PARD6G: variants seen among roughly 807,000 people sequenced by gnomAD.
The protein encoded by PARD6G is par-6 family cell polarity regulator gamma.
A neutral mutation model predicts 10.7 loss-of-function variants in PARD6G; 7 were observed. The ratio of observed to expected loss-of-function variants is 0.66; its 90% CI spans 0.37 to 1.23. The LOEUF is 1.23. PARD6G is among the 50% of genes most tolerant of loss of function. The pLI is 0.02. For missense variants in PARD6G, 548 were observed against 571.8 expected (o/e 0.96, Z 0.42); for synonymous variants, 287 against 269.4 (o/e 1.07, Z -0.64).
chr18:80,217,727 AG>A (rs1216677174), intron 1 of PARD6G, among the ~76,000 whole-genome samples: 1 of 152,230 alleles, frequency 6.6e-6, no homozygotes, highest in Admixed American at 6.5e-5. Context: ...CACAGCTAAA[AG>A]GAGCCTAAGG....
chr18:80,160,097 G>A lies in PARD6G; in HGVS notation c.805C>T (p.Pro269Ser). Residue 269 changes from proline (P) to serine (S), a missense_variant, in exon 3 of 3, where the codon CCC becomes TCC. Around this residue, in one of 2 missense-constraint regions of PARD6G, gnomAD observed 313 missense variants for 279.9 expected, o/e 1.12. Coordinates refer to ENST00000353265, the MANE Select transcript of PARD6G (RefSeq NM_032510.4). ...ACGAAGCCCGCGGTGCCGTCCGAGGGCGGTCCCGAGCTGCCCAACGCGCGG... is the reference window on the plus strand; with the variant it reads ...ACGAAGCCCGCGGTGCCGTCCGAGGACGGTCCCGAGCTGCCCAACGCGCGG... ...GGRALGSSGP[P>S]SDGTAGFVGP... The A allele has an allele frequency of 6.2e-7, 1 of 1,604,010 alleles. No homozygotes were observed. The highest frequency in any genetic ancestry group is 8.5e-7 in the Non-Finnish European group (1 of 1,175,676).
chr18:80,179,117 C>T (rs371300799), intron 2 of PARD6G, among the ~76,000 whole-genome samples: 228 of 152,264 alleles, frequency 1.5e-3, no homozygotes, highest in African/African-American at 5.2e-3. Context: ...CACCTCCCGA[C>T]GCATCAGCTG....
chr18:80,179,223 A>ATT (rs34650022), intron 2 of PARD6G, among the ~76,000 whole-genome samples: 32 of 139,268 alleles, frequency 2.3e-4, no homozygotes, highest in Non-Finnish European at 3.4e-4. Flanking sequence ...GGCTGCAGTC[A>ATT]TTTTTTTTTT....
At chr18:80,203,387 G>A (rs1967026976) in intron 1 of PARD6G, among the ~76,000 whole-genome samples, 1 of 152,102 alleles carries the variant, frequency 6.6e-6, no homozygotes, top group South Asian at 2.1e-4. Context: ...CAGGAAGAGG[G>A]ACCCTAAACA....
intron 1 of PARD6G, among the ~76,000 whole-genome samples, chr18:80,223,563 T>A (rs773116990): frequency 6.6e-6 from 1 of 152,196 alleles, no homozygotes; most frequent in Non-Finnish European, 1.5e-5. Flanking sequence ...ATAAAAAAGA[T>A]AACATGCTGA....
rs1333380018 is a variant in PARD6G, at chr18:80,247,021, C to T, written c.72+256G>A. Among the ~76,000 whole-genome samples, 2 of 152,136 alleles carry T rather than the reference C, an allele frequency of 1.3e-5. No individual in the cohort carries two copies. The highest frequency in any genetic ancestry group is 2.9e-5 in the Non-Finnish European group (2 of 68,016). On this transcript the variant is annotated intron_variant, in intron 1 of 2. Coordinates refer to ENST00000353265, the MANE Select transcript of PARD6G (RefSeq NM_032510.4). This position sits in a 1 kb window ranked among gnomAD's most constrained non-coding sequence, Gnocchi z 4.2. ...AAGAGCAGCTCCCGCGGAGCGGGTCCAGAGTCTGCCCGGACTGTCCGATGG... is the reference window on the plus strand; with the variant it reads ...AAGAGCAGCTCCCGCGGAGCGGGTCTAGAGTCTGCCCGGACTGTCCGATGG...
intron 1 of PARD6G, among the ~76,000 whole-genome samples, chr18:80,241,298 T>C (rs1967486845): frequency 6.6e-6 from 1 of 152,176 alleles, no homozygotes; most frequent in Admixed American, 6.6e-5. Flanking sequence ...ACTTTGGAGC[T>C]AGACTATCTG....
chr18:80,226,181 T>TAGACGGAGTTTCTCTC (rs1432393049), intron 1 of PARD6G, among the ~76,000 whole-genome samples: 1 of 143,600 alleles, frequency 7.0e-6, no homozygotes, highest in Non-Finnish European at 1.5e-5. Flanking sequence ...TTTTTTTTTT[T>TAGACGGAGTTTCTCTC]TTTTTTAGAC....
rs1283552765 is a variant in PARD6G at position 80,186,234 on chromosome 18, G to A, written c.295+16476C>T. On this transcript the variant is annotated intron_variant, in intron 2 of 2. Transcript: ENST00000353265. Reference sequence around the variant, plus strand: ...CTCACATATGCTTGCACACCCTCACGCATGCATGCATCCTCACACACATGC... The same window carrying A: ...CTCACATATGCTTGCACACCCTCACACATGCATGCATCCTCACACACATGC... Among the ~76,000 whole-genome samples the A allele has an allele frequency of 1.4e-3, 127 of 89,094 alleles. 1 individual carries two copies. The highest frequency in any genetic ancestry group is 0.013 in the Middle Eastern group (1 of 80). The allele number at this position is 89,094 out of a possible 152,430, so 58.4% of individuals were successfully genotyped here.
chr18:80,223,679 C>T (rs1353493665), intron 1 of PARD6G, among the ~76,000 whole-genome samples: 1 of 152,114 alleles, frequency 6.6e-6, no homozygotes, highest in Admixed American at 6.5e-5. Flanking sequence ...GTTGAGTTAC[C>T]ATGTGACCCA....
intron 1 of PARD6G, among the ~76,000 whole-genome samples, chr18:80,224,287 C>T (rs1023836481): frequency 6.6e-6 from 1 of 152,290 alleles, no homozygotes; most frequent in African/African-American, 2.4e-5. Flanking sequence ...CCTAAGAGGT[C>T]TATCTAAATT....
intron 1 of PARD6G, among the ~76,000 whole-genome samples, chr18:80,227,126 A>T (rs1205047075): frequency 6.6e-6 from 1 of 152,170 alleles, no homozygotes; most frequent in African/African-American, 2.4e-5. Context: ...CCAGCTAATT[A>T]AAAAATATAT....
At position 80,212,554 on chromosome 18, in the gene PARD6G, G is replaced by A. The variant is rs569094364; in HGVS notation, c.73-9622C>T. ...GATTTAATCCACCACCGCTACAACC[G>A]CTGTCAGTCACTGATTCACCAAAAA... is the stretch of plus-strand genomic sequence containing the variant. On this transcript the variant is annotated intron_variant, in intron 1 of 2. Coordinates refer to ENST00000353265, the MANE Select transcript of PARD6G (RefSeq NM_032510.4). 7.2e-5 allele frequency among the ~76,000 whole-genome samples: 11 copies of A among 152,232 alleles called. No individual in the cohort carries two copies. The South Asian group carries it at 1.0e-3, about 14-fold the overall frequency.
chr18:80,224,013 G>C (rs1599872267), intron 1 of PARD6G, among the ~76,000 whole-genome samples: 1 of 152,308 alleles, frequency 6.6e-6, no homozygotes, highest in Non-Finnish European at 1.5e-5. Context: ...ACAGAGGGCA[G>C]GCACTCCGAA....
chr18:80,209,019 G>C (rs1326297304), intron 1 of PARD6G, among the ~76,000 whole-genome samples: 1 of 151,964 alleles, frequency 6.6e-6, no homozygotes, highest in Non-Finnish European at 1.5e-5. Flanking sequence ...AGAACTGCTT[G>C]AACATAGGAG....
chr18:80,233,596 T>C (rs9948947), intron 1 of PARD6G, among the ~76,000 whole-genome samples: 3,891 of 152,282 alleles, frequency 0.026, 161 homozygotes, highest in African/African-American at 0.089. Flanking sequence ...AGCCACGGGA[T>C]ACAGGTGCTA....
chr18:80,188,503 C>T lies in PARD6G; in HGVS notation c.295+14207G>A, dbSNP rs111544182. Among the ~76,000 whole-genome samples, 279 of 152,322 alleles carry T rather than the reference C, an allele frequency of 1.8e-3. 1 individual carries two copies. Among genetic ancestry groups the T allele is most frequent in the Middle Eastern group, 0.01 (3 of 294 alleles). On this transcript the variant is annotated intron_variant, in intron 2 of 2. Transcript: ENST00000353265. The surrounding 1 kb of genome is among the most constrained non-coding windows in gnomAD (Gnocchi z 5.4). Reference sequence around the variant, plus strand: ...TGCCCTGCCCCAAGTTCTGACAGCCCAAAACCCGGCAGGACCCTCCTAGTA... The same window carrying T: ...TGCCCTGCCCCAAGTTCTGACAGCCTAAAACCCGGCAGGACCCTCCTAGTA...
intron 2 of PARD6G, among the ~76,000 whole-genome samples, chr18:80,164,598 T>C (rs1461631957): frequency 6.6e-6 from 1 of 152,172 alleles, no homozygotes. Context: ...TAAAATATAA[T>C]CCTAGCCAAC....
intron 2 of PARD6G, among the ~76,000 whole-genome samples, chr18:80,166,950 C>T (rs1188805512): frequency 1.3e-5 from 2 of 152,112 alleles, no homozygotes; most frequent in African/African-American, 4.8e-5. Flanking sequence ...CCCTAACATC[C>T]CATGCTGACC....
Sources: allele counts gnomAD v4.1 joint callset (sites outside exome capture counted in the v4.1 genomes callset), GRCh38; gene constraint gnomAD v4.1.1; regional missense constraint gnomAD v4.1.1; non-coding constraint Gnocchi (gnomAD v3.1); transcripts MANE v1.5; gene names NCBI Gene and HGNC (gene_info 2026-07-23, HGNC 2026-07-21).